Variants in ENTPD6 observed in about 807,000 individuals in gnomAD.
ENTPD6 encodes the protein ectonucleoside triphosphate diphosphohydrolase 6.
In ENTPD6, 46 loss-of-function variants were observed where a neutral mutation model predicts 61.5. The ratio of observed to expected loss-of-function variants is 0.75; its 90% CI spans 0.59 to 0.96. The LOEUF is 0.96. ENTPD6 is among the 40% of genes least tolerant of loss of function. The pLI, the probability that ENTPD6 is intolerant of heterozygous loss-of-function variation, is 0.00. For synonymous variants in ENTPD6, 252 were observed against 255.5 expected (o/e 0.99, Z 0.13); for missense variants, 612 against 629.0 (o/e 0.97, Z 0.29).
At chr20:25,220,509 C>T (rs1481189318) in intron 10 of ENTPD6, among the ~76,000 whole-genome samples, 3 of 152,056 alleles carry the variant, frequency 2.0e-5, no homozygotes, top group East Asian at 3.9e-4. Context: ...CTAAATCCCC[C>T]GCTGGGGTCC....
intron 8 of ENTPD6, 63 bp downstream of exon 8, chr20:25,216,799 A>C: frequency 1.6e-6 from 1 of 620,448 alleles, no homozygotes; most frequent in Non-Finnish European, 2.5e-6. Context: ...ATGGGGGTGC[A>C]GGGTGGGGCC....
At chr20:25,225,438 C>G (rs755374015) in intron 14 of ENTPD6, 61 bp from the exon 15 acceptor site, 6 of 1,582,614 alleles carry the variant, frequency 3.8e-6, no homozygotes, top group Non-Finnish European at 5.2e-6. Context: ...GCCACAGCCT[C>G]CTGATGCACA....
intron 10 of ENTPD6, among the ~76,000 whole-genome samples, chr20:25,220,942 C>G (rs1287134785): frequency 6.6e-6 from 1 of 152,246 alleles, no homozygotes; most frequent in Non-Finnish European, 1.5e-5. Flanking sequence ...ATGATGGCTC[C>G]CCTCCTAAAA....
intron 3 of ENTPD6, 28 bp from the exon 4 acceptor site, chr20:25,209,821 T>C (rs1371865277): frequency 6.3e-7 from 1 of 1,588,156 alleles, no homozygotes; most frequent in Non-Finnish European, 8.6e-7. Flanking sequence ...TTCATAGTTG[T>C]ACCCTTTTCA....
chr20:25,217,693 T>A, intron 9 of ENTPD6, 112 bp downstream of exon 9: 1 of 916,740 alleles, frequency 1.1e-6, no homozygotes, highest in Non-Finnish European at 1.8e-6. Context: ...ATCCCTGTGC[T>A]GGGAATCCAC....
intron 12 of ENTPD6, among the ~76,000 whole-genome samples, chr20:25,223,185 G>T (rs542659284): frequency 6.6e-6 from 1 of 152,294 alleles, no homozygotes; most frequent in African/African-American, 2.4e-5. Context: ...AAACCTCGTG[G>T]CTGGTGACTT....
In ENTPD6 at chr20:25,196,060, G is replaced by C. The variant is rs767678905; in HGVS notation, c.-16+193G>C. On this transcript the variant is annotated intron_variant, in intron 1 of 14. Transcript: ENST00000376652. ...ATGTCTGGGCTCCGCTGACCGGTGG[G>C]GGGCAAGTCCAGTGTTTTGGGCCAC... 6.6e-4 allele frequency: 605 copies of C among 916,660 alleles called. 1 individual carries two copies. The highest frequency in any genetic ancestry group is 8.0e-4 in the Non-Finnish European group (561 of 701,882). The allele number at this position is 916,660 out of a possible 1,614,324, so 56.8% of individuals were successfully genotyped here. A position where few individuals can be genotyped will look rare whatever the true frequency, so the allele number is the denominator to read the frequency against.
intron 11 of ENTPD6, chr20:25,221,752 C>T (rs542033156): frequency 3.2e-6 from 1 of 311,064 alleles, no homozygotes; most frequent in African/African-American, 2.2e-5. Flanking sequence ...CCTGGGCAGG[C>T]TCTAGTGCTC....
intron 4 of ENTPD6, among the ~76,000 whole-genome samples, chr20:25,212,585 T>C (rs973867025): frequency 1.3e-5 from 2 of 152,236 alleles, no homozygotes; most frequent in Non-Finnish European, 2.9e-5. Context: ...CCAGGGATGG[T>C]GGCTGACACC....
chr20:25,214,245 G>C (rs983902888), intron 5 of ENTPD6, among the ~76,000 whole-genome samples: 2 of 152,230 alleles, frequency 1.3e-5, no homozygotes, highest in Non-Finnish European at 2.9e-5. Flanking sequence ...GGGCACGCCT[G>C]TCAGGGTCCC....
chr20:25,221,116 G>A (rs1264600415), intron 10 of ENTPD6, 116 bp from the exon 11 acceptor site: 2 of 724,078 alleles, frequency 2.8e-6, no homozygotes, highest in Non-Finnish European at 4.6e-6. Flanking sequence ...GGACCTGGAA[G>A]CCACTCAGCT....
chr20:25,221,605 G>A, intron 11 of ENTPD6: 1 of 478,442 alleles, frequency 2.1e-6, no homozygotes, highest in East Asian at 4.2e-5. Flanking sequence ...AGGCCTGCAG[G>A]GAGGAAGGAC....
chr20:25,217,555 CAG>C lies in ENTPD6; in HGVS notation c.853_854del (p.Arg285AspfsTer31). The C allele has an allele frequency of 3.1e-6, 5 of 1,614,188 alleles. No individual in the cohort carries two copies. Among genetic ancestry groups the C allele is most frequent in the Non-Finnish European group, 4.2e-6 (5 of 1,180,012 alleles). On this transcript the variant is annotated frameshift_variant, in exon 9 of 15. Transcript: ENST00000376652. LOFTEE classifies it high-confidence loss of function. ...GYLTALRMFN[R>X]TYKLYSYSYL... ...ACCTGACGGCACTGCGGATGTTTAA[CAG>C]GACCTACAAGCTCTATTCCTACAGG...
At chr20:25,197,881 G>A (rs541500748) in intron 1 of ENTPD6, among the ~76,000 whole-genome samples, 24 of 152,274 alleles carry the variant, frequency 1.6e-4, no homozygotes, top group African/African-American at 5.1e-4. Context: ...CTCTAAAGTC[G>A]TGATAAAGCA....
At position 25,225,388 on chromosome 20, in the gene ENTPD6, C is replaced by G. The variant is rs547746725; in HGVS notation, c.1356+71C>G. 3.8e-6 allele frequency: 6 copies of G among 1,592,074 alleles called. No homozygotes were observed. In the Admixed American group the frequency reaches 8.5e-5, roughly 23 times the overall value. On this transcript the variant is annotated intron_variant, in intron 14 of 14. Coordinates refer to ENST00000376652, the MANE Select transcript of ENTPD6 (RefSeq NM_001247.5). The stretch of plus-strand genomic sequence containing the variant: ...GGGCCTAGAACCACTTCTCCAGTTG[C>G]TGGGGTCATGTCCCCCAGCCCATCC...
intron 5 of ENTPD6, 109 bp from the exon 6 acceptor site, chr20:25,214,757 TC>T: frequency 1.5e-6 from 1 of 687,516 alleles, no homozygotes. Context: ...ACAGATTTTT[TC>T]GTTCTTCTCC....
chr20:25,199,658 C>T (rs2090869372), intron 1 of ENTPD6, among the ~76,000 whole-genome samples: 1 of 151,962 alleles, frequency 6.6e-6, no homozygotes, highest in Admixed American at 6.6e-5. Context: ...CCACTGCCCT[C>T]AGCACCTGCC....
intron 6 of ENTPD6, 56 bp downstream of exon 6, chr20:25,214,998 G>T: frequency 8.3e-7 from 1 of 1,199,606 alleles, no homozygotes; most frequent in Non-Finnish European, 1.2e-6. Context: ...GTGGGTGGGA[G>T]CAATCCTGCT....
chr20:25,224,621 G>C (rs908259557), intron 13 of ENTPD6: 1 of 157,322 alleles, frequency 6.4e-6, no homozygotes, highest in African/African-American at 2.4e-5. Context: ...GCTCTTGGTT[G>C]CCCTTCCCAA....
Sources: allele counts gnomAD v4.1 joint callset (sites outside exome capture counted in the v4.1 genomes callset), GRCh38; gene constraint gnomAD v4.1.1; transcripts MANE v1.5; gene names NCBI Gene and HGNC (gene_info 2026-07-23, HGNC 2026-07-21).